AGBL4: variants seen among roughly 807,000 people sequenced by gnomAD.
The protein encoded by AGBL4 is cytosolic carboxypeptidase 6.
Under a neutral mutation model 66.4 loss-of-function variants are expected in AGBL4, and 58 were observed. That is an observed-to-expected ratio of 0.87 (90% confidence interval 0.71 to 1.09). AGBL4 has a LOEUF of 1.09. AGBL4 is among the 50% of genes least tolerant of loss of function. The probability of loss-of-function intolerance (pLI) is 0.00; values close to 1 mark genes in which losing one functional copy is unlikely to be tolerated. For missense variants in AGBL4, 579 were observed against 631.0 expected (o/e 0.92, Z 0.88); for synonymous variants, 234 against 222.9 (o/e 1.05, Z -0.44).
intron 3 of AGBL4, among the ~76,000 whole-genome samples, chr1:49,457,792 C>T (rs1277527410): frequency 6.6e-6 from 1 of 151,774 alleles, no homozygotes; most frequent in Non-Finnish European, 1.5e-5. Context: ...TGCCAATTAT[C>T]CCAGCACCGT....
chr1:49,244,315 G>A (rs2148326090), intron 4 of AGBL4, among the ~76,000 whole-genome samples: 1 of 151,836 alleles, frequency 6.6e-6, no homozygotes, highest in Admixed American at 6.6e-5. Flanking sequence ...ACAGAGAAAT[G>A]ATTTCTATTA....
chr1:48,677,150 G>A (rs1166589547), intron 6 of AGBL4, among the ~76,000 whole-genome samples: 1 of 152,188 alleles, frequency 6.6e-6, no homozygotes, highest in East Asian at 1.9e-4. Context: ...AGGCAAGGGT[G>A]TGGGGTGAGT....
chr1:49,688,889 G>T (rs1264260108), intron 3 of AGBL4, among the ~76,000 whole-genome samples: 1 of 152,176 alleles, frequency 6.6e-6, no homozygotes, highest in African/African-American at 2.4e-5. Flanking sequence ...AGAAATGTCT[G>T]TTCAGAACTT....
At chr1:49,790,478 G>A in intron 2 of AGBL4, among the ~76,000 whole-genome samples, 1 of 151,956 alleles carries the variant, frequency 6.6e-6, no homozygotes, top group East Asian at 1.9e-4. Flanking sequence ...AAAGATAAAG[G>A]TAAAAATCTT....
chr1:50,001,366 A>T (rs2148419756), intron 1 of AGBL4, among the ~76,000 whole-genome samples: 1 of 151,734 alleles, frequency 6.6e-6, no homozygotes, highest in Non-Finnish European at 1.5e-5. Flanking sequence ...AAAAAAACAC[A>T]ATCTTACCTT....
intron 7 of AGBL4, among the ~76,000 whole-genome samples, chr1:48,653,995 T>C (rs558378504): frequency 6.6e-6 from 1 of 152,174 alleles, no homozygotes; most frequent in African/African-American, 2.4e-5. Flanking sequence ...TTTCATGTAC[T>C]CCAAATGTGC....
intron 3 of AGBL4, among the ~76,000 whole-genome samples, chr1:49,606,265 G>C (rs1478441508): frequency 6.6e-6 from 1 of 151,962 alleles, no homozygotes; most frequent in African/African-American, 2.4e-5. Context: ...CTGGGTCAGG[G>C]GAATCATGAA....
chr1:49,374,930 G>A (rs1016929562), intron 3 of AGBL4, among the ~76,000 whole-genome samples: 2 of 152,006 alleles, frequency 1.3e-5, no homozygotes, highest in Non-Finnish European at 2.9e-5. Context: ...TACACTTCTC[G>A]ATAAAATGTT....
chr1:49,908,234 G>A (rs967487722), intron 1 of AGBL4, among the ~76,000 whole-genome samples: 2 of 151,824 alleles, frequency 1.3e-5, no homozygotes, highest in African/African-American at 4.8e-5. Context: ...AATTAGCCAG[G>A]TGATACAGTT....
intron 11 of AGBL4, among the ~76,000 whole-genome samples, chr1:48,568,921 C>T (rs1342079393): frequency 6.6e-6 from 1 of 152,190 alleles, no homozygotes; most frequent in Non-Finnish European, 1.5e-5. Context: ...CCTTTCCTGA[C>T]TCATTACTGG....
intron 11 of AGBL4, among the ~76,000 whole-genome samples, chr1:48,558,330 G>A (rs1219369805): frequency 1.3e-5 from 2 of 152,182 alleles, no homozygotes; most frequent in Non-Finnish European, 2.9e-5. Context: ...CACCAAAAGT[G>A]GACATTTGTC....
chr1:49,151,658 C>T (rs147233795), intron 4 of AGBL4, among the ~76,000 whole-genome samples: 26 of 151,200 alleles, frequency 1.7e-4, no homozygotes, highest in African/African-American at 4.6e-4. Context: ...GATATTCTGG[C>T]GAAAAAAGAC....
intron 3 of AGBL4, among the ~76,000 whole-genome samples, chr1:49,525,270 A>G (rs1345013553): frequency 6.6e-6 from 1 of 152,070 alleles, no homozygotes; most frequent in Non-Finnish European, 1.5e-5. Context: ...CAGGAATTAT[A>G]AAAAGAATTA....
chr1:48,871,695 T>C (rs1229709592), intron 5 of AGBL4, among the ~76,000 whole-genome samples: 1 of 151,876 alleles, frequency 6.6e-6, no homozygotes, highest in Admixed American at 6.6e-5. Flanking sequence ...CAATGGAGGG[T>C]GGGGATTCTA....
At chr1:49,781,836 G>T (rs1644345261) in intron 2 of AGBL4, among the ~76,000 whole-genome samples, 1 of 151,884 alleles carries the variant, frequency 6.6e-6, no homozygotes, top group African/African-American at 2.4e-5. Flanking sequence ...ACACACAGGA[G>T]AATTTTAGGA....
intron 4 of AGBL4, among the ~76,000 whole-genome samples, chr1:49,053,555 T>C (rs1644257856): frequency 6.6e-6 from 1 of 152,102 alleles, no homozygotes; most frequent in South Asian, 2.1e-4. Flanking sequence ...TGGAAAATAA[T>C]TGGTTAGGAG....
At chr1:48,771,940 T>C (rs894661640) in intron 6 of AGBL4, among the ~76,000 whole-genome samples, 5 of 152,230 alleles carry the variant, frequency 3.3e-5, no homozygotes, top group African/African-American at 1.2e-4. Flanking sequence ...TGAACAAAGT[T>C]GAATGAAAAC....
At chr1:49,814,342 C>G (rs976486668) in intron 2 of AGBL4, among the ~76,000 whole-genome samples, 4 of 152,084 alleles carry the variant, frequency 2.6e-5, no homozygotes, top group African/African-American at 9.7e-5. Flanking sequence ...AAGGAACAGG[C>G]AGTGGACAGA....
chr1:48,859,608 A>G (rs1003757232), intron 6 of AGBL4, among the ~76,000 whole-genome samples: 1 of 152,216 alleles, frequency 6.6e-6, no homozygotes, highest in Admixed American at 6.5e-5. Context: ...CAAATAGAGG[A>G]TGACTGTTCC....
Sources: allele counts gnomAD v4.1 joint callset (sites outside exome capture counted in the v4.1 genomes callset), GRCh38; gene constraint gnomAD v4.1.1; transcripts MANE v1.5; gene names NCBI Gene and HGNC (gene_info 2026-07-23, HGNC 2026-07-21).